Variants in ZNF232 observed in about 807,000 individuals in gnomAD.
ZNF232 encodes the protein zinc finger protein 232, also known as zinc finger and SCAN domain-containing protein 11.
In ZNF232, 25 loss-of-function variants were observed where a neutral mutation model predicts 25.2. The observed-to-expected ratio is 0.99, with a 90% CI of 0.72 to 1.39. ZNF232 has a LOEUF of 1.39. ZNF232 is among the 40% of genes most tolerant of loss of function. The probability of loss-of-function intolerance (pLI) is 0.00; values close to 1 mark genes in which losing one functional copy is unlikely to be tolerated. For synonymous variants in ZNF232, 193 were observed against 182.9 expected, an observed-to-expected ratio of 1.06 and a Z score of -0.45; for missense variants, 519 against 520.9, an observed-to-expected ratio of 1.00 and a Z score of 0.04.
At chr17:5,120,509 G>A (rs2072630290) in intron 1 of ZNF232, 2 of 336,164 alleles carry the variant, frequency 5.9e-6, no homozygotes, top group South Asian at 2.4e-5. Flanking sequence ...TGGCCTATCT[G>A]TGTCTGTCTG....
intron 2 of ZNF232, 154 bp downstream of exon 2, chr17:5,109,240 C>A (rs771652704): frequency 1.6e-6 from 2 of 1,247,164 alleles, no homozygotes; most frequent in African/African-American, 1.5e-5. Flanking sequence ...ATTCAGGGCT[C>A]GAGGGCAGAA....
intron 1 of ZNF232, 149 bp from the exon 2 acceptor site, chr17:5,110,017 G>A: frequency 2.7e-6 from 2 of 745,322 alleles, no homozygotes; most frequent in Non-Finnish European, 4.2e-6. Context: ...AGCCTCCCAA[G>A]TAGCTGGGAT....
At chr17:5,115,769 T>C (rs532021178), upstream of ZNF232, among the ~76,000 whole-genome samples, 3 of 152,290 alleles carry the variant, frequency 2.0e-5, no homozygotes, top group East Asian at 5.8e-4. Context: ...CCCGGTCTCC[T>C]TCACTCTCCT....
Position 5,109,519 on chromosome 17 carries a change from C to T in ZNF232, c.373G>A (p.Glu125Lys), listed in dbSNP as rs766019408. Residue 125 changes from glutamate to lysine, a missense_variant, in exon 2 of 4, where the codon GAA (glutamate) becomes AAA (lysine). By Grantham distance (56) the Glu-to-Lys change is moderately conservative. Coordinates refer to ENST00000575898, the Ensembl canonical transcript of ZNF232. ...TCAGGCAGGATGGTCAAGAATTGTT[C>T]CAGCACCAGGAACTCCAGGATCTGC... 1.8e-5 allele frequency: 29 copies of T among 1,614,228 alleles called. No individual in the cohort carries two copies. Among genetic ancestry groups the T allele is most frequent in the Middle Eastern group, 1.7e-4 (1 of 6,060 alleles).
intron 1 of ZNF232, chr17:5,111,517 G>A: frequency 4.1e-6 from 2 of 482,834 alleles, no homozygotes; most frequent in Non-Finnish European, 3.6e-6. Context: ...CCCGGGGAGG[G>A]GGCTGTCGTC....
At chr17:5,113,135 G>A (rs1240845647), upstream of ZNF232, among the ~76,000 whole-genome samples, 1 of 152,150 alleles carries the variant, frequency 6.6e-6, no homozygotes, top group Non-Finnish European at 1.5e-5. Flanking sequence ...TATTAAATTT[G>A]TTTCTCCAAG....
At chr17:5,120,647 T>G in intron 1 of ZNF232, 2 of 384,420 alleles carry the variant, frequency 5.2e-6, no homozygotes, top group South Asian at 4.0e-5. Context: ...CCCTTTGAGG[T>G]CAGGTGGATG....
intron 1 of ZNF232, among the ~76,000 whole-genome samples, chr17:5,119,795 A>C (rs913229000): frequency 1.1e-4 from 17 of 152,182 alleles, no homozygotes; most frequent in African/African-American, 4.1e-4. Context: ...CCATCATCTC[A>C]GCTGATAAAC....
upstream of ZNF232, among the ~76,000 whole-genome samples, chr17:5,113,121 A>C (rs934984136): frequency 6.6e-6 from 1 of 152,200 alleles, no homozygotes; most frequent in Non-Finnish European, 1.5e-5. Context: ...TCAGATTCTC[A>C]GATTATTAAA....
chr17:5,121,000 C>T (rs1361942588), intron 1 of ZNF232, among the ~76,000 whole-genome samples: 2 of 152,162 alleles, frequency 1.3e-5, no homozygotes, highest in African/African-American at 4.8e-5. Context: ...AAAATAGATC[C>T]AGGTCTCTAC....
Position 5,109,666 on chromosome 17 carries a change from CTT to C in ZNF232, c.224_225del (p.Gln75ArgfsTer31). ...TGCCTGAAGCGTTGGCGGAAGATCTCTTGACTGGTAGAGTGGTTCCCAGGTAG... is the reference window on the plus strand; with the variant it reads ...TGCCTGAAGCGTTGGCGGAAGATCTCGACTGGTAGAGTGGTTCCCAGGTAG... On this transcript the variant is annotated frameshift_variant, in exon 2 of 4. Transcript: ENST00000575898. LOFTEE classifies it high-confidence loss of function. 2 of 1,614,200 alleles carry C rather than the reference CTT, an allele frequency of 1.2e-6. No individual in the cohort carries two copies. The highest frequency in any genetic ancestry group is 1.7e-6 in the Non-Finnish European group (2 of 1,180,026).
chr17:5,115,288 G>A (rs944709060), upstream of ZNF232, among the ~76,000 whole-genome samples: 2 of 152,020 alleles, frequency 1.3e-5, no homozygotes, highest in Non-Finnish European at 2.9e-5. Flanking sequence ...GTGGTGGGTC[G>A]TGCCTGTAAT....
At chr17:5,105,993 C>T (rs746234314) in exon 4 of ZNF232, 2 of 1,614,174 alleles carry the variant, frequency 1.2e-6, no homozygotes, top group Non-Finnish European at 1.7e-6. Context: ...ACACTCATTA[C>T]ACTCATAGGG....
intron 1 of ZNF232, 56 bp downstream of exon 1, chr17:5,111,744 A>G: frequency 6.2e-7 from 1 of 1,612,740 alleles, no homozygotes; most frequent in Non-Finnish European, 8.5e-7. Flanking sequence ...TGCCTGCGGG[A>G]CGGGCAAAAG....
chr17:5,117,441 G>A (rs372284753), intron 1 of ZNF232, among the ~76,000 whole-genome samples: 21 of 151,594 alleles, frequency 1.4e-4, no homozygotes, highest in Middle Eastern at 3.2e-3. Flanking sequence ...ACTTGAACCC[G>A]GGAGGCAAAG....
upstream of ZNF232, chr17:5,112,241 A>G (rs894788722): frequency 1.5e-4 from 34 of 233,524 alleles, no homozygotes; most frequent in African/African-American, 7.4e-4. Context: ...ACACTTCTCC[A>G]TGAGTTCTAT....
At chr17:5,107,027 G>A (rs1347565156) in intron 3 of ZNF232, among the ~76,000 whole-genome samples, 1 of 151,600 alleles carries the variant, frequency 6.6e-6, no homozygotes, top group African/African-American at 2.4e-5. Context: ...TTTATCAAAG[G>A]GAGGACTTCC....
exon 2 of ZNF232, chr17:5,109,798 G>A: frequency 6.2e-7 from 1 of 1,614,180 alleles, no homozygotes; most frequent in Non-Finnish European, 8.5e-7. Context: ...GCTGCTGTTA[G>A]TGATACAGCC....
chr17:5,110,325 T>C (rs762274718), intron 1 of ZNF232, among the ~76,000 whole-genome samples: 1 of 152,222 alleles, frequency 6.6e-6, no homozygotes, highest in Non-Finnish European at 1.5e-5. Context: ...GTCAATGTTT[T>C]TGAGAAACTT....
Sources: gnomAD v4.1 joint callset for allele counts (sites outside exome capture counted in the v4.1 genomes callset) on GRCh38, gnomAD v4.1.1 for gene constraint, MANE v1.5 for transcripts, NCBI Gene and HGNC (gene_info 2026-07-23, HGNC 2026-07-21) for gene names.